The following SLTM variants were observed in gnomAD, a reference collection of about 807,000 sequenced individuals.
SLTM encodes SAFB like transcription modulator, also known as SAFB-like transcription modulator.
In SLTM, 43 loss-of-function variants were observed where a neutral mutation model predicts 134.6. The observed-to-expected ratio is 0.32, with a 90% CI of 0.25 to 0.41. The LOEUF (loss-of-function observed/expected upper bound fraction) is 0.41, where lower values mean the gene tolerates loss of function less well. SLTM is among the 10% of genes least tolerant of loss of function. SLTM has a pLI of 1.00. For missense variants in SLTM, 1,055 were observed against 1,288.8 expected (o/e 0.82, Z 2.78); for synonymous variants, 424 against 432.3 (o/e 0.98, Z 0.24).
At position 58,887,527 on chromosome 15, in the gene SLTM, C is replaced by T; in HGVS notation, c.2389G>A (p.Val797Ile). The change falls in exon 18 of 21, where the codon GTT becomes ATT. Residue 797 changes from valine (V) to isoleucine (I), a missense_variant. Physicochemically the swap from Val to Ile is conservative, Grantham distance 29. This residue lies in a region of SLTM where 776 missense variants were observed against 962.2 expected (regional missense o/e 0.81). Coordinates refer to ENST00000380516, the MANE Select transcript of SLTM (RefSeq NM_024755.4). ...GCTTTTTTCCCCTCACTTTGACCAA[C>T]AAAGCGATCCCGCCTATTGATTAGA... ...SSSFERRDRF[V>I]GQSEGKKARP... The T allele has an allele frequency of 1.2e-6, 2 of 1,611,140 alleles. No individual in the cohort carries two copies. Among genetic ancestry groups the T allele is most frequent in the Non-Finnish European group, 1.7e-6 (2 of 1,178,692 alleles).
At chr15:58,908,811 G>T (rs2141093911) in intron 5 of SLTM, among the ~76,000 whole-genome samples, 1 of 152,228 alleles carries the variant, frequency 6.6e-6, no homozygotes, top group South Asian at 2.1e-4. Context: ...AAACACCCTT[G>T]CAAAAAATAT....
rs758007821 is a variant in SLTM at position 58,913,615 on chromosome 15, C to T, written c.397G>A (p.Glu133Lys). Residue 133 changes from glutamate to lysine, a missense_variant, in exon 4 of 21, where the codon GAA becomes AAA. Physicochemically the swap from Glu to Lys is moderately conservative, Grantham distance 56 (BLOSUM62 1). Transcript: ENST00000380516. ...LKDSEEFGENEEENVHSKELL... is the reference protein window; with the variant it reads ...LKDSEEFGENKEENVHSKELL... ...TCCTTGGAATGCACATTTTCTTCTT[C>T]ATTTTCACCAAATTCTTCAGAGTCC... The T allele has an allele frequency of 3.7e-6, 6 of 1,613,634 alleles. No individual in the cohort carries two copies. In the South Asian group the frequency reaches 5.5e-5, roughly 15 times the overall value.
At chr15:58,917,636 A>G (rs759541554) in intron 2 of SLTM, among the ~76,000 whole-genome samples, 4 of 152,268 alleles carry the variant, frequency 2.6e-5, no homozygotes, top group Non-Finnish European at 5.9e-5. Flanking sequence ...GATTTAAGGC[A>G]TGCAGAAATT....
chr15:58,880,299 G>A (rs2033591426), intron 20 of SLTM, among the ~76,000 whole-genome samples, 192 bp from the exon 21 acceptor site: 1 of 152,120 alleles, frequency 6.6e-6, no homozygotes, highest in African/African-American at 2.4e-5. Context: ...CTCTTCCAAG[G>A]TCACAGAGCT....
At chr15:58,912,683 A>C in intron 4 of SLTM, 73 bp from the exon 5 acceptor site, 1 of 1,200,862 alleles carries the variant, frequency 8.3e-7, no homozygotes, top group Non-Finnish European at 1.2e-6. Context: ...TTATGCTTAC[A>C]CCTGATTATC....
intron 5 of SLTM, among the ~76,000 whole-genome samples, chr15:58,906,457 C>A (rs1248542636): frequency 6.6e-6 from 1 of 152,178 alleles, no homozygotes; most frequent in Non-Finnish European, 1.5e-5. Context: ...ACTTTCATTT[C>A]ATCCTAGAAG....
chr15:58,909,190 A>C (rs751840968), intron 5 of SLTM, among the ~76,000 whole-genome samples: 23 of 152,324 alleles, frequency 1.5e-4, no homozygotes, highest in Non-Finnish European at 2.4e-4. Flanking sequence ...AATCAATCAA[A>C]GTCTACTAGG....
At chr15:58,900,050 A>G in intron 6 of SLTM, 113 bp from the exon 7 acceptor site, 1 of 737,268 alleles carries the variant, frequency 1.4e-6, no homozygotes, top group Non-Finnish European at 2.1e-6. Flanking sequence ...GCACTGATGG[A>G]AGTTAGGGAA....
rs1221500745 is a variant in SLTM at position 58,889,308 on chromosome 15, C to G, written c.2204+122G>C. The G allele has an allele frequency of 3.9e-6, 5 of 1,293,340 alleles. No individual in the cohort carries two copies. The African/African-American group carries it at 5.9e-5, about 15-fold the overall frequency. The allele number at this position is 1,293,340 out of a possible 1,614,324, so 80.1% of individuals were successfully genotyped here. A position where few individuals can be genotyped will look rare whatever the true frequency, so the allele number is the denominator to read the frequency against. ...TCTACCCCAGTACTGTAATCCTTCC[C>G]ATCCCTGTTGATCATGACTTTTATT... On this transcript the variant is annotated intron_variant, in intron 16 of 20. Transcript: ENST00000380516.
chr15:58,882,800 GC>G (rs1204850011), intron 20 of SLTM, among the ~76,000 whole-genome samples: 3 of 152,184 alleles, frequency 2.0e-5, no homozygotes, highest in African/African-American at 7.2e-5. Flanking sequence ...AGATGGGGAA[GC>G]TGAAGACCTG....
chr15:58,911,515 CG>C (rs777847486), intron 5 of SLTM, among the ~76,000 whole-genome samples: 2 of 152,102 alleles, frequency 1.3e-5, no homozygotes, highest in East Asian at 3.9e-4. Flanking sequence ...ACTCCCTTCA[CG>C]GGGGATGCAT....
At position 58,889,072 on chromosome 15, in the gene SLTM, AAC is replaced by A. The variant is rs1249838836; in HGVS notation, c.2204+356_2204+357del. 1.4e-5 allele frequency: 3 copies of A among 212,188 alleles called. No homozygotes were observed. In the East Asian group the frequency reaches 3.3e-4, roughly 23 times the overall value. 13.1% of individuals were successfully genotyped at this position (212,188 alleles called of 1,614,324 possible). Reference sequence around the variant, plus strand: ...TAAATCTATATGAAGTATGAATCCAAACACACAATAGAATCTATCTTTCAATC... The same window carrying A: ...TAAATCTATATGAAGTATGAATCCAAACACAATAGAATCTATCTTTCAATC... On this transcript the variant is annotated intron_variant, in intron 16 of 20. Coordinates refer to ENST00000380516, the MANE Select transcript of SLTM (RefSeq NM_024755.4).
At chr15:58,901,220 C>G (rs776284139) in intron 6 of SLTM, 40 bp downstream of exon 6, 2 of 1,525,456 alleles carry the variant, frequency 1.3e-6, no homozygotes, top group Admixed American at 2.0e-5. Flanking sequence ...TACTGTTTTT[C>G]TAAATTTTAG....
Position 58,901,515 on chromosome 15 carries a change from GTACA to G in SLTM, c.562-232_562-229del, listed in dbSNP as rs1298335318. Among the ~76,000 whole-genome samples the G allele has an allele frequency of 2.0e-5, 3 of 152,166 alleles. No homozygotes were observed. In the East Asian group the frequency reaches 5.8e-4, roughly 29 times the overall value. ...AGAAAACAGGTATATCTATCAATGAGTACATAAATAACAAACTGGATTAGTTTCA... is the reference window on the plus strand; with the variant it reads ...AGAAAACAGGTATATCTATCAATGAGTAAATAACAAACTGGATTAGTTTCA... On this transcript the variant is annotated intron_variant, in intron 5 of 20. Coordinates refer to ENST00000380516, the MANE Select transcript of SLTM (RefSeq NM_024755.4).
intron 16 of SLTM, 21 bp downstream of exon 16, chr15:58,889,409 A>T (rs778251921): frequency 3.1e-6 from 5 of 1,612,968 alleles, no homozygotes; most frequent in Non-Finnish European, 4.2e-6. Flanking sequence ...TTAACTGTTA[A>T]GGAATAAAAT....
intron 2 of SLTM, among the ~76,000 whole-genome samples, chr15:58,921,143 T>C (rs1355372963): frequency 2.0e-5 from 3 of 152,214 alleles, no homozygotes; most frequent in Admixed American, 6.5e-5. Flanking sequence ...GTGGCATCTA[T>C]GGTCCAGGTG....
At chr15:58,896,428 C>T (rs2035083747) in intron 9 of SLTM, among the ~76,000 whole-genome samples, 1 of 152,024 alleles carries the variant, frequency 6.6e-6, no homozygotes, top group African/African-American at 2.4e-5. Context: ...AGTGCAGTTG[C>T]TCATGCCTGT....
At chr15:58,889,690 C>G (rs563093852) in intron 15 of SLTM, 136 bp from the exon 16 acceptor site, 3 of 991,706 alleles carry the variant, frequency 3.0e-6, no homozygotes, top group Non-Finnish European at 2.9e-6. Flanking sequence ...ACCTATGACA[C>G]CTAAATTTGA....
At chr15:58,888,594 C>A (rs1020873980) in intron 16 of SLTM, 39 bp from the exon 17 acceptor site, 5 of 1,600,574 alleles carry the variant, frequency 3.1e-6, no homozygotes, top group Non-Finnish European at 4.3e-6. Context: ...TAAATTAGTT[C>A]TACAGTAATC....
Sources: gnomAD v4.1 joint callset for allele counts (sites outside exome capture counted in the v4.1 genomes callset) on GRCh38, gnomAD v4.1.1 for gene constraint, gnomAD v4.1.1 regional missense constraint, MANE v1.5 for transcripts, NCBI Gene and HGNC (gene_info 2026-07-23, HGNC 2026-07-21) for gene names.